Variants in SGCD observed in about 807,000 individuals in gnomAD.
SGCD encodes the protein sarcoglycan delta, also known as delta-sarcoglycan.
SGCD carries 18 observed loss-of-function variants against 36.6 expected under a neutral mutation model. That is an observed-to-expected ratio of 0.49 (90% confidence interval 0.34 to 0.73). SGCD has a LOEUF of 0.73. Ranked by LOEUF, SGCD falls within the 30% of genes least tolerant of loss-of-function variation. The pLI, the probability that SGCD is intolerant of heterozygous loss-of-function variation, is 0.01. For synonymous variants in SGCD, 133 were observed against 130.6 expected (o/e 1.02, Z -0.12); for missense variants, 387 against 346.7 (o/e 1.12, Z -0.92).
intron 5 of SGCD, 64 bp from the exon 6 acceptor site, chr5:156,594,868 T>C (rs1760861400): frequency 9.4e-7 from 1 of 1,069,446 alleles, no homozygotes; most frequent in East Asian, 2.5e-5. Flanking sequence ...ATGAGACTAA[T>C]GGTGTTTTCT....
chr5:156,603,543 A>G (rs1318069281), intron 6 of SGCD, among the ~76,000 whole-genome samples: 1 of 152,028 alleles, frequency 6.6e-6, no homozygotes, highest in Non-Finnish European at 1.5e-5. Flanking sequence ...TTTTCGATAT[A>G]GGCATTCATT....
chr5:156,762,421 C>T lies in SGCD; in HGVS notation c.*3031C>T, dbSNP rs1235780790. 4 of 152,610 alleles carry T rather than the reference C, an allele frequency of 2.6e-5. No individual in the cohort carries two copies. The highest frequency in any genetic ancestry group is 5.9e-5 in the Non-Finnish European group (4 of 68,040). 9.5% of individuals were successfully genotyped at this position (152,610 alleles called of 1,614,324 possible). On this transcript the variant is annotated 3_prime_UTR_variant, in exon 9 of 9. Coordinates refer to ENST00000337851, the MANE Select transcript of SGCD (RefSeq NM_000337.6). The stretch of plus-strand genomic sequence containing the variant: ...CGAGTATCACAGAGGTTTTCAAAAG[C>T]CCTTATGGTGACATCTACCTAGGTA...
chr5:156,381,023 C>G (rs958309738), intron 3 of SGCD, among the ~76,000 whole-genome samples: 1 of 152,192 alleles, frequency 6.6e-6, no homozygotes, highest in African/African-American at 2.4e-5. Context: ...AGAAGTCTCT[C>G]TCATTCCTCT....
intron 6 of SGCD, among the ~76,000 whole-genome samples, chr5:156,646,089 T>G (rs867814490): frequency 6.6e-6 from 1 of 152,100 alleles, no homozygotes; most frequent in African/African-American, 2.4e-5. Flanking sequence ...CTAAGAAGTC[T>G]TATCAATGAG....
the SGCD span, among the ~76,000 whole-genome samples, chr5:155,748,645 A>G: frequency 6.6e-6 from 1 of 152,190 alleles, no homozygotes; most frequent in Non-Finnish European, 1.5e-5. Context: ...TTGGAATGAT[A>G]TGATACAACA....
chr5:155,811,060 G>A, the SGCD span, among the ~76,000 whole-genome samples: 9 of 151,312 alleles, frequency 5.9e-5, no homozygotes, highest in Admixed American at 2.0e-4. Context: ...CTCGTGATCC[G>A]CCCGCCTCGG....
At chr5:156,216,739 A>C (rs1171201319) in intron 3 of SGCD, among the ~76,000 whole-genome samples, 5 of 152,244 alleles carry the variant, frequency 3.3e-5, no homozygotes, top group Non-Finnish European at 7.3e-5. Context: ...TATAGGAAGA[A>C]AATACCTAAA....
At chr5:155,877,784 C>A (rs577329556) in intron 1 of SGCD, among the ~76,000 whole-genome samples, 1 of 151,996 alleles carries the variant, frequency 6.6e-6, no homozygotes, top group South Asian at 2.1e-4. Flanking sequence ...GGAAACAAAC[C>A]CTGATAAGTG....
chr5:156,127,179 GAAAA>G (rs1762192658), intron 3 of SGCD, among the ~76,000 whole-genome samples: 1 of 151,938 alleles, frequency 6.6e-6, no homozygotes, highest in African/African-American at 2.4e-5. Context: ...CATCAAAAGG[GAAAA>G]AAGTTTTTCA....
intron 1 of SGCD, among the ~76,000 whole-genome samples, chr5:155,970,893 C>T (rs913542165): frequency 6.6e-6 from 1 of 152,106 alleles, no homozygotes; most frequent in Non-Finnish European, 1.5e-5. Context: ...TTTTATTTTT[C>T]TCATTTGCAA....
At chr5:155,782,438 TCTAAAC>T in the SGCD span, among the ~76,000 whole-genome samples, 1 of 152,224 alleles carries the variant, frequency 6.6e-6, no homozygotes, top group East Asian at 1.9e-4. Flanking sequence ...AAAAAACACT[TCTAAAC>T]CTAAATCACT....
At chr5:156,145,962 C>G (rs6888796) in intron 3 of SGCD, among the ~76,000 whole-genome samples, 5,211 of 152,204 alleles carry the variant, frequency 0.034, 330 homozygotes, top group African/African-American at 0.12. Context: ...GCCTGTAATA[C>G]CAGCACTTTG....
chr5:156,213,840 C>A (rs530015170), intron 3 of SGCD, among the ~76,000 whole-genome samples: 1 of 151,938 alleles, frequency 6.6e-6, no homozygotes, highest in Non-Finnish European at 1.5e-5. Context: ...TGTGATACCT[C>A]ACATTAACAG....
chr5:156,071,200 C>G (rs1281443334), intron 1 of SGCD, among the ~76,000 whole-genome samples: 2 of 152,114 alleles, frequency 1.3e-5, no homozygotes, highest in African/African-American at 4.8e-5. Flanking sequence ...TCTTGCTTTT[C>G]TAGTTCTCTT....
chr5:156,277,766 T>G (rs1458648690), intron 3 of SGCD, among the ~76,000 whole-genome samples: 1 of 152,206 alleles, frequency 6.6e-6, no homozygotes, highest in African/African-American at 2.4e-5. Flanking sequence ...TTTCCCGTTA[T>G]GCTTAAGAGA....
At chr5:156,281,064 C>G (rs1409635170) in intron 3 of SGCD, among the ~76,000 whole-genome samples, 1 of 152,062 alleles carries the variant, frequency 6.6e-6, no homozygotes, top group Non-Finnish European at 1.5e-5. Flanking sequence ...TGTGTACATA[C>G]AGAATTCGAG....
chr5:155,856,803 A>C, the SGCD span, among the ~76,000 whole-genome samples: 1 of 152,250 alleles, frequency 6.6e-6, no homozygotes, highest in Non-Finnish European at 1.5e-5. Flanking sequence ...AGATACCATT[A>C]CACATCTATT....
chr5:155,995,545 T>C (rs1305543657), intron 1 of SGCD, among the ~76,000 whole-genome samples: 1 of 152,192 alleles, frequency 6.6e-6, no homozygotes, highest in South Asian at 2.1e-4. Flanking sequence ...ATAAAATAAA[T>C]TGAATACAAC....
chr5:156,348,217 CAG>C (rs1466231252), intron 3 of SGCD, among the ~76,000 whole-genome samples: 4 of 151,874 alleles, frequency 2.6e-5, no homozygotes, highest in Non-Finnish European at 5.9e-5. Flanking sequence ...GCAGTTTATG[CAG>C]AGATTTAAAA....
Sources: allele counts gnomAD v4.1 joint callset (sites outside exome capture counted in the v4.1 genomes callset), GRCh38; gene constraint gnomAD v4.1.1; transcripts MANE v1.5; gene names NCBI Gene and HGNC (gene_info 2026-07-23, HGNC 2026-07-21).